Variants in PCNX1 observed in about 807,000 individuals in gnomAD.
PCNX1 encodes pecanex 1.
In PCNX1, 78 loss-of-function variants were observed where a neutral mutation model predicts 242.2. That is an observed-to-expected ratio of 0.32 (90% CI 0.27 to 0.39). PCNX1 has a LOEUF of 0.39. Ranked by LOEUF, PCNX1 falls within the 10% of genes least tolerant of loss-of-function variation. The pLI is 1.00. For synonymous variants in PCNX1, 1,024 were observed against 1,032.9 expected (o/e 0.99, Z 0.17); for missense variants, 2,581 against 2,856.5 (o/e 0.90, Z 2.20).
At chr14:71,074,163 T>G (rs771878147) in intron 27 of PCNX1, among the ~76,000 whole-genome samples, 4 of 152,228 alleles carry the variant, frequency 2.6e-5, no homozygotes, top group Non-Finnish European at 4.4e-5. Context: ...GATCAGAAGT[T>G]AACTTGTCCA....
intron 15 of PCNX1, among the ~76,000 whole-genome samples, chr14:71,028,206 A>G (rs1408448625): frequency 1.3e-5 from 2 of 151,634 alleles, no homozygotes; most frequent in African/African-American, 2.4e-5. Flanking sequence ...GATCTAAAGT[A>G]TCTATTTTGT....
chr14:71,040,253 A>G (rs1191438892), intron 19 of PCNX1, among the ~76,000 whole-genome samples: 2 of 152,132 alleles, frequency 1.3e-5, no homozygotes, highest in Non-Finnish European at 2.9e-5. Context: ...TTGGGTATAA[A>G]ATTCTAGGAT....
rs748682152 is a variant in PCNX1, at chr14:71,103,648, T to C, written c.6074T>C (p.Phe2025Ser). 1.9e-6 allele frequency: 3 copies of C among 1,614,084 alleles called. No homozygotes were observed. The highest frequency in any genetic ancestry group is 2.5e-6 in the Non-Finnish European group (3 of 1,179,988). ...ATCAGCTTGGGAAATATCAGGAACT[T>C]CATAGTGTCAACCTGGCACAGGTGA... Reference protein sequence around the residue: ...GPISLGNIRNFIVSTWHRLRK... With the variant: ...GPISLGNIRNSIVSTWHRLRK... Residue 2025 changes from phenylalanine (F) to serine (S), a missense_variant, in exon 32 of 36, where the codon TTC (phenylalanine) becomes TCC (serine). Phe to Ser is a radical substitution (Grantham distance 155). Coordinates refer to ENST00000304743, the MANE Select transcript of PCNX1 (RefSeq NM_014982.3).
In PCNX1 at chr14:71,110,393, T is replaced by C. The variant is rs930078353; in HGVS notation, c.*458T>C. On this transcript the variant is annotated 3_prime_UTR_variant, in exon 36 of 36. Coordinates refer to ENST00000304743, the MANE Select transcript of PCNX1 (RefSeq NM_014982.3). ...GTGTAGAAATGTTCCTTTTGACTTA[T>C]AGCAGTATAAAAGTTTAATGTACAG... 14 of 214,536 alleles carry C rather than the reference T, an allele frequency of 6.5e-5. No individual in the cohort carries two copies. The highest frequency in any genetic ancestry group is 2.6e-4 in the African/African-American group (11 of 42,466). The allele number at this position is 214,536 out of a possible 1,614,324, so 13.3% of individuals were successfully genotyped here. A position where few individuals can be genotyped will look rare whatever the true frequency, so the allele number is the denominator to read the frequency against.
At chr14:71,082,281 TGTG>T (rs1448967971) in intron 28 of PCNX1, among the ~76,000 whole-genome samples, 1 of 152,220 alleles carries the variant, frequency 6.6e-6, no homozygotes, top group Non-Finnish European at 1.5e-5. Context: ...CTTCCAATTA[TGTG>T]GTCAGTTTTA....
chr14:71,040,663 A>G (rs1164031701), intron 19 of PCNX1, among the ~76,000 whole-genome samples: 1 of 152,014 alleles, frequency 6.6e-6, no homozygotes, highest in Non-Finnish European at 1.5e-5. Context: ...CATCCCCTCA[A>G]GCATTTGTTC....
chr14:71,007,873 G>A (rs575291754), intron 8 of PCNX1, among the ~76,000 whole-genome samples: 1 of 152,004 alleles, frequency 6.6e-6, no homozygotes, highest in Admixed American at 6.5e-5. Context: ...AAGTAGCCAA[G>A]TTGACGGCTT....
chr14:70,950,574 C>T (rs747868019), intron 2 of PCNX1, among the ~76,000 whole-genome samples: 3 of 152,020 alleles, frequency 2.0e-5, no homozygotes, highest in African/African-American at 7.2e-5. Flanking sequence ...AAGATTTTAC[C>T]ATTTAATGAC....
In PCNX1 at chr14:71,045,170, T is replaced by C. The variant is rs1222726008; in HGVS notation, c.3905T>C (p.Phe1302Ser). 6.2e-7 allele frequency: 1 copy of C among 1,612,818 alleles called. No homozygotes were observed. Among genetic ancestry groups the C allele is most frequent in the Non-Finnish European group, 8.5e-7 (1 of 1,179,452 alleles). The change falls in exon 20 of 36, where the codon TTT (phenylalanine) becomes TCT (serine). Residue 1302 changes from phenylalanine to serine, a missense_variant. Phe to Ser is a radical substitution (Grantham distance 155). Transcript: ENST00000304743. The part of the protein sequence containing the change: ...LKYVLYTLVG[F>S]VGFVTHYVLP... Reference sequence around the variant, plus strand: ...TATGTGTTGTATACATTGGTTGGCTTTGTGGGTTTTGTAACCCATTATGTG... The same window carrying C: ...TATGTGTTGTATACATTGGTTGGCTCTGTGGGTTTTGTAACCCATTATGTG...
intron 1 of PCNX1, among the ~76,000 whole-genome samples, chr14:70,916,672 C>T (rs766058676): frequency 2.0e-4 from 30 of 152,144 alleles, no homozygotes; most frequent in African/African-American, 4.6e-4. Context: ...TCTGAACCTT[C>T]GGCGAGTTGT....
intron 8 of PCNX1, 85 bp downstream of exon 8, chr14:70,996,010 A>T: frequency 1.9e-6 from 2 of 1,048,148 alleles, no homozygotes; most frequent in Non-Finnish European, 2.9e-6. Context: ...TTTTTGAGAT[A>T]GTTTCATTTT....
At chr14:71,058,545 C>T (rs1466704965) in intron 26 of PCNX1, among the ~76,000 whole-genome samples, 1 of 152,142 alleles carries the variant, frequency 6.6e-6, no homozygotes, top group Non-Finnish European at 1.5e-5. Context: ...TTCATCTATT[C>T]TAAGTGCTTT....
intron 2 of PCNX1, among the ~76,000 whole-genome samples, chr14:70,952,318 C>G (rs2057815878): frequency 6.6e-6 from 1 of 152,054 alleles, no homozygotes; most frequent in Admixed American, 6.6e-5. Context: ...TAGCAATAAT[C>G]AAGTGACTAC....
At position 70,907,676 on chromosome 14, in the gene PCNX1, T is replaced by G. The variant is rs1014040286; in HGVS notation, c.-175T>G. 2 of 720,076 alleles carry G rather than the reference T, an allele frequency of 2.8e-6. No individual in the cohort carries two copies. The highest frequency in any genetic ancestry group is 1.9e-5 in the African/African-American group (1 of 53,226). The allele number at this position is 720,076 out of a possible 1,614,324, so 44.6% of individuals were successfully genotyped here. The stretch of plus-strand genomic sequence containing the variant: ...CTCGGGTCTCCTCCTCCTCGTTTGC[T>G]GCCTCCTCCTCCTCCTGCAGCAGCA... On this transcript the variant is annotated 5_prime_UTR_variant, in exon 1 of 36. Transcript: ENST00000304743.
chr14:71,031,983 G>A lies in PCNX1; in HGVS notation c.3559-1446G>A, dbSNP rs1317720302. 25 of 1,206,046 alleles carry A rather than the reference G, an allele frequency of 2.1e-5. No homozygotes were observed. The Admixed American group carries it at 2.5e-4, about 12-fold the overall frequency. The allele number at this position is 1,206,046 out of a possible 1,614,324, so 74.7% of individuals were successfully genotyped here. A position where few individuals can be genotyped will look rare whatever the true frequency, so the allele number is the denominator to read the frequency against. ...CTCTTTCTAGGCACTGTGGTTCATT[G>A]TCTCATGCCAAGAAAGAATTCAAGA... On this transcript the variant is annotated intron_variant, in intron 16 of 35. Coordinates refer to ENST00000304743, the MANE Select transcript of PCNX1 (RefSeq NM_014982.3).
intron 1 of PCNX1, among the ~76,000 whole-genome samples, chr14:70,946,388 A>C (rs2057458090): frequency 6.6e-6 from 1 of 152,172 alleles, no homozygotes; most frequent in South Asian, 2.1e-4. Context: ...TTTGGATCAC[A>C]ACCTTGATTT....
rs531868882 is a variant in PCNX1 at position 71,106,304 on chromosome 14, C to T, written c.6301+864C>T. Among the ~76,000 whole-genome samples, 17 of 152,322 alleles carry T rather than the reference C, an allele frequency of 1.1e-4. No homozygotes were observed. The South Asian group carries it at 1.4e-3, about 13-fold the overall frequency. On this transcript the variant is annotated intron_variant, in intron 33 of 35. Transcript: ENST00000304743. ...AAGTGCTGAGATTACAGGCGTGAGC[C>T]ACCACGCCCAGCTGAAAATATAATT...
In PCNX1 at chr14:70,971,115, G is replaced by GTTTTTTTTTTTT. The variant is rs1046870052; in HGVS notation, c.604+2034_604+2045dup. Among the ~76,000 whole-genome samples, 4 of 14,518 alleles carry GTTTTTTTTTTTT rather than the reference G, an allele frequency of 2.8e-4. 1 individual carries two copies. Among genetic ancestry groups the GTTTTTTTTTTTT allele is most frequent in the Non-Finnish European group, 4.8e-4 (4 of 8,256 alleles). The allele number at this position is 14,518 out of a possible 152,430, so 9.5% of individuals were successfully genotyped here. On this transcript the variant is annotated intron_variant, in intron 5 of 35. Coordinates refer to ENST00000304743, the MANE Select transcript of PCNX1 (RefSeq NM_014982.3). Reference sequence around the variant, plus strand: ...AATCTATGCTATACTACTTTATATAGTTTTTTTTTTTTTTTTTTTTTTTTT... The same window carrying GTTTTTTTTTTTT: ...AATCTATGCTATACTACTTTATATAGTTTTTTTTTTTTTTTTTTTTTTTTTTTTTTTTTTTTT...
At chr14:71,020,614 G>A (rs1486435349) in intron 12 of PCNX1, among the ~76,000 whole-genome samples, 1 of 152,146 alleles carries the variant, frequency 6.6e-6, no homozygotes, top group Non-Finnish European at 1.5e-5. Flanking sequence ...CCCACTTTTG[G>A]ATGGGGTTGT....
Sources: gnomAD v4.1 joint callset for allele counts (sites outside exome capture counted in the v4.1 genomes callset) on GRCh38, gnomAD v4.1.1 for gene constraint, MANE v1.5 for transcripts, NCBI Gene and HGNC (gene_info 2026-07-23, HGNC 2026-07-21) for gene names.